RANBP9: variants seen among roughly 807,000 people sequenced by gnomAD.
RANBP9 encodes RAN binding protein 9.
RANBP9 carries 15 observed loss-of-function variants against 84.3 expected under a neutral mutation model. That is an observed-to-expected ratio of 0.18 (90% CI 0.12 to 0.27). RANBP9 has a LOEUF of 0.27. RANBP9 is among the 10% of genes least tolerant of loss of function. The probability of loss-of-function intolerance (pLI) is 1.00; values close to 1 mark genes in which losing one functional copy is unlikely to be tolerated. For missense variants in RANBP9, 809 were observed against 912.8 expected (o/e 0.89, Z 1.46); for synonymous variants, 392 against 349.6 (o/e 1.12, Z -1.35).
chr6:13,634,519 G>A lies in RANBP9; in HGVS notation c.1707C>T (p.Ser569=). Residue 569 remains serine (S), a synonymous_variant, in exon 11 of 14, where the codon TCC becomes TCT. Coordinates refer to ENST00000011619, the MANE Select transcript of RANBP9 (RefSeq NM_005493.3). ...NDVDMETDHY[S]NGVGETSSNG... ...TGGATGAAGTTTCTCCAACTCCATT[G>A]GAGTAGTGATCTGTTTCCATGTCTA... 1 of 1,613,104 alleles carries A rather than the reference G, an allele frequency of 6.2e-7. No individual in the cohort carries two copies. Among genetic ancestry groups the A allele is most frequent in the South Asian group, 1.1e-5 (1 of 91,048 alleles).
chr6:13,681,868 C>CT (rs569934423), intron 2 of RANBP9, among the ~76,000 whole-genome samples: 217 of 147,646 alleles, frequency 1.5e-3, no homozygotes, highest in African/African-American at 4.6e-3. Context: ...GCCTTCTTTC[C>CT]TTTTTTTTTT....
At position 13,632,434 on chromosome 6, in the gene RANBP9, T is replaced by C. The variant is rs746771901; in HGVS notation, c.1883A>G (p.Gln628Arg). ...TCTCCTTAGCTGTTCACTCATTGCT[T>C]GCAGCTCTCGTCCAAAGTGGATCAT... is the stretch of plus-strand genomic sequence containing the variant. ...ERMIHFGREL[Q>R]AMSEQLRRDC... The change falls in exon 12 of 14, where the codon CAA becomes CGA. Residue 628 changes from glutamine (Q) to arginine (R), a missense_variant. Around this residue, in one of 5 missense-constraint regions of RANBP9, gnomAD observed 233 missense variants for 234.4 expected, o/e 0.99. Transcript: ENST00000011619. 3 of 1,613,976 alleles carry C rather than the reference T, an allele frequency of 1.9e-6. No individual in the cohort carries two copies. The highest frequency in any genetic ancestry group is 1.7e-6 in the Non-Finnish European group (2 of 1,179,964).
At chr6:13,709,598 A>G (rs1758222196) in intron 1 of RANBP9, among the ~76,000 whole-genome samples, 1 of 152,236 alleles carries the variant, frequency 6.6e-6, no homozygotes, top group Non-Finnish European at 1.5e-5. Context: ...AAGATTTGAT[A>G]TTGTGAATGA....
intron 10 of RANBP9, 58 bp from the exon 11 acceptor site, chr6:13,634,610 AAT>A: frequency 1.3e-6 from 2 of 1,492,418 alleles, no homozygotes; most frequent in Non-Finnish European, 1.8e-6. Flanking sequence ...CTTAGTTTAA[AAT>A]AAATCACTAC....
In RANBP9 at chr6:13,711,329, G is replaced by T; in HGVS notation, c.177C>A (p.Gly59=). 1.8e-6 allele frequency: 2 copies of T among 1,106,346 alleles called. No homozygotes were observed. Among genetic ancestry groups the T allele is most frequent in the Non-Finnish European group, 2.2e-6 (2 of 908,744 alleles). The allele number at this position is 1,106,346 out of a possible 1,614,324, so 68.5% of individuals were successfully genotyped here. The change falls in exon 1 of 14, where the codon GGC becomes GGA. Residue 59 remains glycine, a synonymous_variant. Transcript: ENST00000011619. ...GCAGGGCGGCCGCCGCGGCCCCTAA[G>T]CCTTCGCCGCCCGCACCGCCGCCGG... ...GSPGGGAGGE[G]LGAAAAALLL...
At chr6:13,659,175 T>C (rs1055313418) in intron 2 of RANBP9, among the ~76,000 whole-genome samples, 2 of 150,858 alleles carry the variant, frequency 1.3e-5, no homozygotes, top group Non-Finnish European at 2.9e-5. Context: ...ACAGAGGGAT[T>C]GCAGAAGGAA....
intron 2 of RANBP9, among the ~76,000 whole-genome samples, chr6:13,668,596 G>C (rs1584932777): frequency 6.6e-6 from 1 of 151,762 alleles, no homozygotes; most frequent in African/African-American, 2.4e-5. Flanking sequence ...AATATATTAA[G>C]AAAATAAAGA....
At chr6:13,704,483 T>C (rs1038063616) in intron 1 of RANBP9, among the ~76,000 whole-genome samples, 2 of 151,704 alleles carry the variant, frequency 1.3e-5, no homozygotes, top group African/African-American at 4.8e-5. Context: ...TACAAAAAAT[T>C]AGCTGGGAAT....
chr6:13,708,544 T>A (rs1394072389), intron 1 of RANBP9, among the ~76,000 whole-genome samples: 1 of 152,168 alleles, frequency 6.6e-6, no homozygotes, highest in Non-Finnish European at 1.5e-5. Flanking sequence ...TGGAAAATAA[T>A]TAAAATCATT....
At position 13,711,198 on chromosome 6, in the gene RANBP9, G is replaced by C. The variant is rs1163311439; in HGVS notation, c.308C>G (p.Pro103Arg). The C allele has an allele frequency of 3.2e-6, 4 of 1,232,192 alleles. No individual in the cohort carries two copies. The highest frequency in any genetic ancestry group is 4.1e-6 in the Non-Finnish European group (4 of 987,408). 76.3% of individuals were successfully genotyped at this position (1,232,192 alleles called of 1,614,324 possible). The change falls in exon 1 of 14, where the codon CCC (proline) becomes CGC (arginine). Residue 103 changes from proline to arginine, a missense_variant. Pro to Arg is a moderately radical substitution (Grantham distance 103, BLOSUM62 -2). This residue lies in a region of RANBP9 where 302 missense variants were observed against 240.1 expected (regional missense o/e 1.26). Coordinates refer to ENST00000011619, the MANE Select transcript of RANBP9 (RefSeq NM_005493.3). ...ASAAAPASGP[P>R]APPGLAAGPG... ...GCCCGCTGCAAGGCCCGGGGGAGCG[G>C]GCGGCCCGCTGGCGGGGGCAGCCGC...
intron 1 of RANBP9, 26 bp from the exon 2 acceptor site, chr6:13,696,922 G>A (rs1206202322): frequency 5.8e-6 from 9 of 1,544,480 alleles, no homozygotes; most frequent in South Asian, 3.5e-5. Context: ...AAGGAAAAAA[G>A]AAGTCACATG....
intron 7 of RANBP9, among the ~76,000 whole-genome samples, chr6:13,642,082 A>G (rs1765078068): frequency 6.6e-6 from 1 of 152,196 alleles, no homozygotes; most frequent in Non-Finnish European, 1.5e-5. Flanking sequence ...ATACTTATGG[A>G]TCAATACTGT....
At chr6:13,666,017 G>A (rs1222936822) in intron 2 of RANBP9, among the ~76,000 whole-genome samples, 1 of 152,154 alleles carries the variant, frequency 6.6e-6, no homozygotes, top group Non-Finnish European at 1.5e-5. Context: ...TGAGAATGAT[G>A]ATGTTCTATA....
chr6:13,698,917 G>A (rs993808266), intron 1 of RANBP9, among the ~76,000 whole-genome samples: 2 of 152,058 alleles, frequency 1.3e-5, no homozygotes, highest in South Asian at 4.1e-4. Context: ...ATGAACATTC[G>A]GGGATCACTT....
chr6:13,659,243 CACACACACACACAT>C (rs1383852465), intron 2 of RANBP9, among the ~76,000 whole-genome samples: 3 of 101,944 alleles, frequency 2.9e-5, no homozygotes, highest in East Asian at 3.9e-4. Flanking sequence ...ATTTAGACCC[CACACACACACACAT>C]ACACACACAC....
At chr6:13,690,497 AG>A (rs1435909360) in intron 2 of RANBP9, among the ~76,000 whole-genome samples, 2 of 152,192 alleles carry the variant, frequency 1.3e-5, no homozygotes, top group Admixed American at 6.5e-5. Flanking sequence ...CAAGCATAAA[AG>A]GAACATTCTG....
intron 2 of RANBP9, among the ~76,000 whole-genome samples, chr6:13,685,428 G>T (rs1366036409): frequency 6.6e-6 from 1 of 151,922 alleles, no homozygotes; most frequent in East Asian, 1.9e-4. Flanking sequence ...TCAAAAATAA[G>T]CCAGGCATAG....
chr6:13,632,246 G>A, intron 12 of RANBP9, 124 bp downstream of exon 12: 1 of 771,658 alleles, frequency 1.3e-6, no homozygotes, highest in South Asian at 2.0e-5. Context: ...TGGGCAAGGA[G>A]CCAGGGGGAA....
At chr6:13,641,814 CA>C (rs1479591030) in intron 7 of RANBP9, among the ~76,000 whole-genome samples, 6 of 152,262 alleles carry the variant, frequency 3.9e-5, no homozygotes, top group African/African-American at 1.4e-4. Context: ...AAAAGGACAG[CA>C]CACAATTAAC....
Sources: allele counts gnomAD v4.1 joint callset (sites outside exome capture counted in the v4.1 genomes callset), GRCh38; gene constraint gnomAD v4.1.1; regional missense constraint gnomAD v4.1.1; transcripts MANE v1.5; gene names NCBI Gene and HGNC (gene_info 2026-07-23, HGNC 2026-07-21).